Variants in DIAPH2 observed in about 807,000 individuals in gnomAD.
DIAPH2 encodes protein diaphanous homolog 2.
Under a neutral mutation model 92.7 loss-of-function variants are expected in DIAPH2, and 35 were observed. The ratio of observed to expected loss-of-function variants is 0.38; its 90% CI spans 0.29 to 0.50. The LOEUF (loss-of-function observed/expected upper bound fraction) is 0.50. DIAPH2 is among the 20% of genes least tolerant of loss of function. The pLI is 0.94. For missense variants in DIAPH2, 701 were observed against 819.5 expected (o/e 0.86, Z 1.77); for synonymous variants, 301 against 280.4 (o/e 1.07, Z -0.73).
chrX:97,524,437 A>G (rs1338091891), intron 26 of DIAPH2, among the ~76,000 whole-genome samples: 1 of 112,224 alleles, frequency 8.9e-6, no homozygotes, highest in Non-Finnish European at 1.9e-5. Flanking sequence ...AGTGCTTTCC[A>G]TGTCCATGTG....
At chrX:96,886,829 G>A in intron 5 of DIAPH2, among the ~76,000 whole-genome samples, 2 of 110,653 alleles carry the variant, frequency 1.8e-5, no homozygotes, top group Middle Eastern at 9.4e-3. Flanking sequence ...TCCCATAATT[G>A]CTTGAGCTGA....
At chrX:96,686,848 A>G (rs1428398173) in intron 1 of DIAPH2, among the ~76,000 whole-genome samples, 1 of 111,885 alleles carries the variant, frequency 8.9e-6, no homozygotes, top group Non-Finnish European at 1.9e-5. Flanking sequence ...GTAAGATACA[A>G]CTTTACTTAG....
At position 97,600,682 on chromosome X, in the gene DIAPH2, T is replaced by A. The variant is rs2071588474; in HGVS notation, c.*1365T>A. The A allele has an allele frequency of 8.9e-6, 1 of 112,443 alleles. No individual in the cohort carries two copies. The highest frequency in any genetic ancestry group is 3.7e-4 in the South Asian group (1 of 2,683). The allele number at this position is 112,443 out of a possible 1,213,427, so 9.3% of individuals were successfully genotyped here. On this transcript the variant is annotated 3_prime_UTR_variant, in exon 27 of 27. Coordinates refer to ENST00000324765, the MANE Select transcript of DIAPH2 (RefSeq NM_006729.5). ...CTCTGGAGTGCAATTTTAAGTCTAA[T>A]TCATGCAGATGATTGATTGTGATTA...
In DIAPH2 at chrX:96,813,120, G is replaced by A. The variant is rs756836501; in HGVS notation, c.447+54862G>A. 1.1e-4 allele frequency among the ~76,000 whole-genome samples: 12 copies of A among 111,161 alleles called. No individual in the cohort carries two copies. In the South Asian group the frequency reaches 2.3e-3, roughly 21 times the overall value. The stretch of plus-strand genomic sequence containing the variant: ...TGATCTGTCTAATGTTGACAGGGGG[G>A]TGTTAAAATATCCCATTATTATTGT... On this transcript the variant is annotated intron_variant, in intron 4 of 26. Coordinates refer to ENST00000324765, the MANE Select transcript of DIAPH2 (RefSeq NM_006729.5).
At chrX:97,339,637 T>G (rs996749275) in intron 23 of DIAPH2, among the ~76,000 whole-genome samples, 1 of 112,568 alleles carries the variant, frequency 8.9e-6, no homozygotes, top group Non-Finnish European at 1.9e-5. Context: ...TTCAAAACAT[T>G]AGCATTTTAC....
intron 25 of DIAPH2, among the ~76,000 whole-genome samples, chrX:97,410,862 G>A (rs946051515): frequency 8.9e-6 from 1 of 111,844 alleles, no homozygotes; most frequent in African/African-American, 3.3e-5. Flanking sequence ...AGAAAAAAGA[G>A]TAAAAAGAAA....
chrX:97,179,506 C>T (rs750548692), intron 22 of DIAPH2, among the ~76,000 whole-genome samples: 1 of 110,893 alleles, frequency 9.0e-6, no homozygotes, highest in Non-Finnish European at 1.9e-5. Flanking sequence ...TGGTGGCTTC[C>T]AGCTTCATCC....
At chrX:96,739,703 C>G (rs1686690262) in intron 3 of DIAPH2, among the ~76,000 whole-genome samples, 1 of 111,874 alleles carries the variant, frequency 8.9e-6, no homozygotes, top group South Asian at 3.7e-4. Context: ...TTAAAATTTT[C>G]CTTGACTATT....
chrX:96,987,567 C>T (rs891396417), intron 17 of DIAPH2, among the ~76,000 whole-genome samples: 1 of 111,211 alleles, frequency 9.0e-6, no homozygotes, highest in Non-Finnish European at 1.9e-5. Context: ...ATTTCTTCCT[C>T]CTCCTTTCAG....
chrX:96,690,315 A>G (rs891928022), intron 1 of DIAPH2, among the ~76,000 whole-genome samples: 1 of 111,722 alleles, frequency 9.0e-6, no homozygotes, highest in Non-Finnish European at 1.9e-5. Context: ...TGAGCCATTT[A>G]GCACCAGAAG....
intron 26 of DIAPH2, among the ~76,000 whole-genome samples, chrX:97,485,265 G>A (rs968458708): frequency 9.0e-6 from 1 of 111,282 alleles, no homozygotes; most frequent in Non-Finnish European, 1.9e-5. Context: ...ATAGAGAAAA[G>A]ATCACTAGAT....
chrX:97,359,137 ATCTTGATTTC>A, intron 24 of DIAPH2, among the ~76,000 whole-genome samples: 1 of 111,286 alleles, frequency 9.0e-6, no homozygotes, highest in East Asian at 2.8e-4. Flanking sequence ...GATCGGTAGA[ATCTTGATTTC>A]TCTTTTTGTT....
chrX:96,888,687 A>G (rs1232305255), intron 5 of DIAPH2, among the ~76,000 whole-genome samples: 1 of 104,315 alleles, frequency 9.6e-6, no homozygotes, highest in African/African-American at 3.5e-5. Context: ...ATATCTGTGT[A>G]TATATTAGTA....
intron 4 of DIAPH2, among the ~76,000 whole-genome samples, chrX:96,831,061 C>T (rs1429168464): frequency 8.9e-6 from 1 of 112,028 alleles, no homozygotes; most frequent in Non-Finnish European, 1.9e-5. Flanking sequence ...GCTCCAACCA[C>T]AGTAGCTTTC....
At chrX:97,260,735 G>C (rs1487182527) in intron 23 of DIAPH2, among the ~76,000 whole-genome samples, 1 of 111,780 alleles carries the variant, frequency 8.9e-6, no homozygotes, top group African/African-American at 3.2e-5. Flanking sequence ...GAAAAGCTAT[G>C]TCAGATTCCG....
At chrX:97,264,483 G>A (rs774297388) in intron 23 of DIAPH2, among the ~76,000 whole-genome samples, 3 of 111,873 alleles carry the variant, frequency 2.7e-5, no homozygotes, top group African/African-American at 9.7e-5. Flanking sequence ...CTATATTGAA[G>A]CAAATATGAC....
At chrX:97,343,163 C>A (rs1378999616) in intron 23 of DIAPH2, among the ~76,000 whole-genome samples, 1 of 111,391 alleles carries the variant, frequency 9.0e-6, no homozygotes, top group Non-Finnish European at 1.9e-5. Context: ...TCAACAGATA[C>A]CATTTTTTAA....
At chrX:97,293,005 C>G (rs2068607399) in intron 23 of DIAPH2, among the ~76,000 whole-genome samples, 1 of 110,372 alleles carries the variant, frequency 9.1e-6, no homozygotes, top group Non-Finnish European at 1.9e-5. Flanking sequence ...AATTAACTGA[C>G]AAGTCAGATA....
rs184996701 is a variant in DIAPH2, at chrX:97,506,277, G to T, written c.3241+76532G>T. Among the ~76,000 whole-genome samples the T allele has an allele frequency of 2.8e-5, 3 of 105,374 alleles. No individual in the cohort carries two copies. In the East Asian group the frequency reaches 8.9e-4, roughly 31 times the overall value. 91.5% of individuals were successfully genotyped at this position (105,374 alleles called of 115,157 possible). On this transcript the variant is annotated intron_variant, in intron 26 of 26. Coordinates refer to ENST00000324765, the MANE Select transcript of DIAPH2 (RefSeq NM_006729.5). ...CAATTCTCCTGTCTCAGCCTCCAGG[G>T]TAGCTGAGACTACAGGCGCACGCCA...
Sources: allele counts gnomAD v4.1 joint callset (sites outside exome capture counted in the v4.1 genomes callset), GRCh38; gene constraint gnomAD v4.1.1; transcripts MANE v1.5; gene names NCBI Gene and HGNC (gene_info 2026-07-23, HGNC 2026-07-21).